PIK3C2G: variants seen among roughly 807,000 people sequenced by gnomAD.
PIK3C2G encodes phosphatidylinositol 3-kinase C2 domain-containing subunit gamma.
Under a neutral mutation model 181.1 loss-of-function variants are expected in PIK3C2G, and 168 were observed. That is an observed-to-expected ratio of 0.93 (90% CI 0.82 to 1.05). PIK3C2G has a LOEUF of 1.05. Ranked by LOEUF, PIK3C2G falls within the 50% of genes least tolerant of loss-of-function variation. The pLI is 0.00. For synonymous variants in PIK3C2G, 573 were observed against 592.2 expected, an observed-to-expected ratio of 0.97 and a Z score of 0.47; for missense variants, 1,869 against 1,732.8, an observed-to-expected ratio of 1.08 and a Z score of -1.40.
chr12:18,425,348 TG>T (rs1945735753), intron 18 of PIK3C2G, among the ~76,000 whole-genome samples: 1 of 151,254 alleles, frequency 6.6e-6, no homozygotes, highest in South Asian at 2.1e-4. Context: ...AAGAAGGAAA[TG>T]GGTTGCTTTT....
chr12:18,617,940 G>A (rs1446121310), intron 31 of PIK3C2G, among the ~76,000 whole-genome samples: 1 of 152,034 alleles, frequency 6.6e-6, no homozygotes, highest in East Asian at 1.9e-4. Flanking sequence ...TGTGGCATGT[G>A]GCATAAGACC....
intron 18 of PIK3C2G, among the ~76,000 whole-genome samples, chr12:18,462,811 A>G (rs1395713365): frequency 6.6e-6 from 1 of 152,120 alleles, no homozygotes; most frequent in African/African-American, 2.4e-5. Flanking sequence ...TCAACACATA[A>G]TATTGGCTGC....
chr12:18,363,008 G>A (rs1941376430), intron 12 of PIK3C2G, 122 bp downstream of exon 12: 1 of 689,020 alleles, frequency 1.5e-6, no homozygotes, highest in African/African-American at 1.8e-5. Context: ...TTGATTCAGT[G>A]GTATGATAAG....
At chr12:18,384,560 T>G (rs1403010295) in intron 14 of PIK3C2G, among the ~76,000 whole-genome samples, 2 of 152,202 alleles carry the variant, frequency 1.3e-5, no homozygotes, top group Non-Finnish European at 2.9e-5. Context: ...TTCATGATTT[T>G]AAGGTTCTAT....
intron 1 of PIK3C2G, among the ~76,000 whole-genome samples, chr12:18,254,969 C>T (rs1010239509): frequency 3.9e-5 from 6 of 151,932 alleles, no homozygotes; most frequent in Non-Finnish European, 7.4e-5. Context: ...TGGCTCACCC[C>T]TGTAATCCCA....
At chr12:18,243,872 G>A (rs965848412), upstream of PIK3C2G, among the ~76,000 whole-genome samples, 2 of 151,804 alleles carry the variant, frequency 1.3e-5, no homozygotes, top group Admixed American at 6.6e-5. Context: ...ATATGTAAAA[G>A]GCACTTATAA....
At chr12:18,498,177 A>T (rs74808306) in intron 22 of PIK3C2G, among the ~76,000 whole-genome samples, 7,782 of 152,314 alleles carry the variant, frequency 0.051, 238 homozygotes, top group South Asian at 0.093. Flanking sequence ...CCTTAATTTA[A>T]TTTCTAAAAT....
intron 1 of PIK3C2G, among the ~76,000 whole-genome samples, chr12:18,255,091 A>G (rs1169268706): frequency 1.3e-5 from 2 of 151,378 alleles, no homozygotes; most frequent in East Asian, 2.0e-4. Flanking sequence ...AGTCGGGCAC[A>G]TGCCTGACCA....
intron 18 of PIK3C2G, among the ~76,000 whole-genome samples, chr12:18,438,033 A>C (rs914775010): frequency 2.0e-5 from 3 of 151,942 alleles, no homozygotes; most frequent in African/African-American, 4.8e-5. Flanking sequence ...ACATGGATTA[A>C]GCAATATGTG....
At chr12:18,574,617 T>C (rs1946137262) in intron 29 of PIK3C2G, among the ~76,000 whole-genome samples, 1 of 152,202 alleles carries the variant, frequency 6.6e-6, no homozygotes, top group African/African-American at 2.4e-5. Flanking sequence ...GCAGTCTTGA[T>C]TAAATGCTAG....
In PIK3C2G at chr12:18,297,242, G is replaced by C. The variant is rs527617089; in HGVS notation, c.1034+3227G>C. Reference sequence around the variant, plus strand: ...GAGTATTTTTCTTCATAAATATATTGATAATATATGAAGTATAATGCTTCT... The same window carrying C: ...GAGTATTTTTCTTCATAAATATATTCATAATATATGAAGTATAATGCTTCT... On this transcript the variant is annotated intron_variant, in intron 5 of 32. Coordinates refer to ENST00000538779, the MANE Select transcript of PIK3C2G (RefSeq NM_001288772.2). Among the ~76,000 whole-genome samples, 379 of 151,858 alleles carry C rather than the reference G, an allele frequency of 2.5e-3. 1 individual carries two copies. The highest frequency in any genetic ancestry group is 8.7e-3 in the African/African-American group (362 of 41,430).
intron 31 of PIK3C2G, among the ~76,000 whole-genome samples, chr12:18,626,455 A>G (rs1565576569): frequency 6.6e-6 from 1 of 151,970 alleles, no homozygotes; most frequent in Non-Finnish European, 1.5e-5. Context: ...CACCACCGTT[A>G]TAGTCTTAAG....
chr12:18,656,142 A>C, the PIK3C2G span, among the ~76,000 whole-genome samples: 6 of 152,152 alleles, frequency 3.9e-5, no homozygotes, highest in Non-Finnish European at 8.8e-5. Flanking sequence ...CAAAAACAGC[A>C]AATATGCTGG....
chr12:18,593,947 A>G (rs1385838779), intron 29 of PIK3C2G, among the ~76,000 whole-genome samples: 1 of 151,902 alleles, frequency 6.6e-6, no homozygotes, highest in Non-Finnish European at 1.5e-5. Flanking sequence ...TGGAGAAAAC[A>G]GATTATATTA....
At chr12:18,681,282 G>A in the PIK3C2G span, among the ~76,000 whole-genome samples, 3 of 151,976 alleles carry the variant, frequency 2.0e-5, no homozygotes, top group African/African-American at 7.2e-5. Flanking sequence ...AGCAGAACAC[G>A]GATGGCTTCC....
At chr12:18,298,141 C>T (rs1950019914) in intron 5 of PIK3C2G, among the ~76,000 whole-genome samples, 1 of 151,948 alleles carries the variant, frequency 6.6e-6, no homozygotes, top group African/African-American at 2.4e-5. Context: ...ACATTCTCTC[C>T]AACAGTGTAT....
intron 24 of PIK3C2G, among the ~76,000 whole-genome samples, chr12:18,507,871 T>G (rs1941942714): frequency 6.6e-6 from 1 of 152,152 alleles, no homozygotes. Flanking sequence ...TATACCACGG[T>G]CTGTAGAGAA....
chr12:18,335,568 A>ATG (rs1938452859), intron 8 of PIK3C2G, among the ~76,000 whole-genome samples: 1 of 152,136 alleles, frequency 6.6e-6, no homozygotes, highest in East Asian at 1.9e-4. Context: ...CTCAAAGGCT[A>ATG]TGTATCAAAA....
the PIK3C2G span, among the ~76,000 whole-genome samples, chr12:18,716,703 T>C: frequency 3.3e-5 from 5 of 152,230 alleles, no homozygotes; most frequent in African/African-American, 9.6e-5. Context: ...CTCTTAACTT[T>C]ATTTCATCTA....
Sources: allele counts gnomAD v4.1 joint callset (sites outside exome capture counted in the v4.1 genomes callset), GRCh38; gene constraint gnomAD v4.1.1; transcripts MANE v1.5; gene names NCBI Gene and HGNC (gene_info 2026-07-23, HGNC 2026-07-21).